The following CNTN4 variants were observed in gnomAD, a reference collection of about 807,000 sequenced individuals.
The protein encoded by CNTN4 is contactin 4.
A neutral mutation model predicts 122.5 loss-of-function variants in CNTN4; 77 were observed. That is an observed-to-expected ratio of 0.63 (90% CI 0.52 to 0.76). The LOEUF (loss-of-function observed/expected upper bound fraction) is 0.76. Ranked by LOEUF, CNTN4 falls within the 30% of genes least tolerant of loss-of-function variation. CNTN4 has a pLI of 0.00. For synonymous variants in CNTN4, 512 were observed against 447.0 expected, an observed-to-expected ratio of 1.15 and a Z score of -1.83; for missense variants, 1,256 against 1,259.1, an observed-to-expected ratio of 1.00 and a Z score of 0.04.
At chr3:2,374,915 T>C (rs1016898780) in intron 3 of CNTN4, among the ~76,000 whole-genome samples, 2 of 152,182 alleles carry the variant, frequency 1.3e-5, no homozygotes, top group African/African-American at 4.8e-5. Flanking sequence ...TCCCAAAATG[T>C]TAGACCTATA....
chr3:2,280,014 A>T (rs1328310341), intron 2 of CNTN4, among the ~76,000 whole-genome samples: 1 of 147,282 alleles, frequency 6.8e-6, no homozygotes, highest in Non-Finnish European at 1.5e-5. Flanking sequence ...TATATAAAGG[A>T]ATATATATCT....
intron 4 of CNTN4, among the ~76,000 whole-genome samples, chr3:2,576,037 A>G (rs141626525): frequency 0.019 from 2,883 of 151,930 alleles, 59 homozygotes; most frequent in African/African-American, 0.051. Context: ...GGGTTTCACC[A>G]TGTTAGCCAG....
At chr3:2,496,554 G>A (rs1304099865) in intron 3 of CNTN4, among the ~76,000 whole-genome samples, 7 of 152,178 alleles carry the variant, frequency 4.6e-5, no homozygotes, top group Non-Finnish European at 8.8e-5. Flanking sequence ...TTACTTTCAC[G>A]CTTGGACAAT....
intron 7 of CNTN4, among the ~76,000 whole-genome samples, chr3:2,842,541 C>T (rs2093381245): frequency 6.6e-6 from 1 of 152,318 alleles, no homozygotes; most frequent in East Asian, 1.9e-4. Context: ...TCCCACTGCT[C>T]AATTTCTATG....
chr3:2,526,107 C>T (rs1014467489), intron 3 of CNTN4, among the ~76,000 whole-genome samples: 4 of 152,088 alleles, frequency 2.6e-5, no homozygotes, highest in Non-Finnish European at 5.9e-5. Context: ...TAATCCCGCC[C>T]ACCCTCCTAA....
intron 3 of CNTN4, among the ~76,000 whole-genome samples, chr3:2,529,697 C>T (rs200050709): frequency 7.8e-6 from 1 of 128,450 alleles, no homozygotes. Context: ...ATAGGCTAAA[C>T]TATTCACACT....
intron 6 of CNTN4, among the ~76,000 whole-genome samples, chr3:2,747,364 G>A (rs1223614508): frequency 6.6e-5 from 10 of 151,588 alleles, no homozygotes; most frequent in African/African-American, 2.2e-4. Context: ...AGCCGAGATG[G>A]CGCCACTGGA....
intron 3 of CNTN4, among the ~76,000 whole-genome samples, chr3:2,539,920 C>G (rs2077964408): frequency 6.6e-6 from 1 of 151,996 alleles, no homozygotes; most frequent in Admixed American, 6.6e-5. Flanking sequence ...AGTGTTAGAT[C>G]TAGGAGGGAA....
chr3:3,007,300 G>A (rs1696756235), intron 14 of CNTN4, among the ~76,000 whole-genome samples: 1 of 152,194 alleles, frequency 6.6e-6, no homozygotes, highest in African/African-American at 2.4e-5. Flanking sequence ...GTGAGCACTG[G>A]AGTCTGTGAT....
intron 6 of CNTN4, among the ~76,000 whole-genome samples, chr3:2,749,512 C>T (rs185251197): frequency 1.1e-3 from 166 of 152,060 alleles, no homozygotes; most frequent in Non-Finnish European, 2.1e-3. Context: ...TTACTTTTTT[C>T]TCATTTATTA....
At chr3:2,236,535 G>C (rs902139755) in intron 2 of CNTN4, among the ~76,000 whole-genome samples, 5 of 152,082 alleles carry the variant, frequency 3.3e-5, no homozygotes, top group Admixed American at 3.3e-4. Flanking sequence ...GTTTTGTTTT[G>C]TTTTAGTCTT....
chr3:2,603,725 T>C (rs1206060435), intron 4 of CNTN4, among the ~76,000 whole-genome samples: 2 of 152,200 alleles, frequency 1.3e-5, no homozygotes, highest in Non-Finnish European at 2.9e-5. Context: ...TATTACTTCT[T>C]CAACAAAGCT....
intron 2 of CNTN4, among the ~76,000 whole-genome samples, chr3:2,305,053 A>G (rs1411891805): frequency 1.3e-5 from 2 of 152,058 alleles, no homozygotes; most frequent in Non-Finnish European, 2.9e-5. Flanking sequence ...ATTCACTTAT[A>G]GGTCCATTTC....
intron 2 of CNTN4, among the ~76,000 whole-genome samples, chr3:2,132,634 A>T (rs4475021): frequency 1 from 152,153 of 152,300 alleles, 76,004 homozygotes; most frequent in Middle Eastern, 1. Flanking sequence ...GGAGAGTGTT[A>T]GTGATTGGCC....
At chr3:2,781,689 T>TG (rs1175868947) in intron 6 of CNTN4, among the ~76,000 whole-genome samples, 4 of 147,500 alleles carry the variant, frequency 2.7e-5, no homozygotes, top group African/African-American at 1.0e-4. Context: ...AGCTCAAAGG[T>TG]GGGGGGTGCT....
chr3:2,821,966 G>C lies in CNTN4; in HGVS notation c.454+2385G>C, dbSNP rs192362451. Among the ~76,000 whole-genome samples the C allele has an allele frequency of 3.1e-3, 475 of 152,234 alleles. 1 individual carries two copies. Among genetic ancestry groups the C allele is most frequent in the African/African-American group, 0.011 (457 of 41,530 alleles). ...TGTTTTCTTTCTCATCTAATTCTGA[G>C]CTAACATTTCCAGCAGAAAATAACA... On this transcript the variant is annotated intron_variant, in intron 7 of 24. Coordinates refer to ENST00000418658, the MANE Select transcript of CNTN4 (RefSeq NM_175607.3).
At chr3:2,633,575 A>C (rs1473975037) in intron 4 of CNTN4, among the ~76,000 whole-genome samples, 1 of 152,226 alleles carries the variant, frequency 6.6e-6, no homozygotes, top group East Asian at 1.9e-4. Flanking sequence ...TCTTTTAATT[A>C]GGTGAGGATA....
At chr3:2,916,244 T>C (rs2094352474) in intron 12 of CNTN4, among the ~76,000 whole-genome samples, 1 of 151,908 alleles carries the variant, frequency 6.6e-6, no homozygotes, top group Non-Finnish European at 1.5e-5. Context: ...TGGGTGTTTC[T>C]CCGAGAGGGG....
chr3:2,212,604 C>T (rs1010890251), intron 2 of CNTN4, among the ~76,000 whole-genome samples: 1 of 152,190 alleles, frequency 6.6e-6, no homozygotes, highest in Non-Finnish European at 1.5e-5. Context: ...CCTGGCCCTG[C>T]CCTTGGCACA....
Sources: allele counts gnomAD v4.1 joint callset (sites outside exome capture counted in the v4.1 genomes callset), GRCh38; gene constraint gnomAD v4.1.1; transcripts MANE v1.5; gene names NCBI Gene and HGNC (gene_info 2026-07-23, HGNC 2026-07-21).